The following IL1RL2 variants were observed in gnomAD, a reference collection of about 807,000 sequenced individuals.
The protein encoded by IL1RL2 is interleukin-1 receptor-like 2.
Under a neutral mutation model 66.8 loss-of-function variants are expected in IL1RL2, and 68 were observed. The ratio of observed to expected loss-of-function variants is 1.02; its 90% CI spans 0.84 to 1.25. The LOEUF (loss-of-function observed/expected upper bound fraction) is 1.25. Ranked by LOEUF, IL1RL2 falls within the 50% of genes most tolerant of loss-of-function variation. IL1RL2 has a pLI of 0.00. For synonymous variants in IL1RL2, 305 were observed against 264.6 expected, an observed-to-expected ratio of 1.15 and a Z score of -1.48; for missense variants, 729 against 709.3, an observed-to-expected ratio of 1.03 and a Z score of -0.32.
chr2:102,210,991 G>T (rs571566957), intron 5 of IL1RL2, among the ~76,000 whole-genome samples: 1 of 152,148 alleles, frequency 6.6e-6, no homozygotes, highest in East Asian at 1.9e-4. Flanking sequence ...GGAGGCAAAA[G>T]TAGTTGAATT....
At position 102,189,186 on chromosome 2, in the gene IL1RL2, T is replaced by C; in HGVS notation, c.169T>C (p.Tyr57His). The change falls in exon 3 of 12, where the codon TAT becomes CAT. Residue 57 changes from tyrosine to histidine, a missense_variant. Coordinates refer to ENST00000264257, the MANE Select transcript of IL1RL2 (RefSeq NM_003854.4). ...ITSGEVSVTW[Y>H]KNSSKIPVSK... Reference sequence around the variant, plus strand: ...ATCTGGGGAAGTCAGTGTAACATGGTATAAAAATTCTAGCAAAATCCCAGT... The same window carrying C: ...ATCTGGGGAAGTCAGTGTAACATGGCATAAAAATTCTAGCAAAATCCCAGT... 2 of 1,614,046 alleles carry C rather than the reference T, an allele frequency of 1.2e-6. No individual in the cohort carries two copies. Among genetic ancestry groups the C allele is most frequent in the Non-Finnish European group, 1.7e-6 (2 of 1,179,900 alleles).
chr2:102,214,008 G>C (rs982112946), intron 6 of IL1RL2, among the ~76,000 whole-genome samples: 4 of 151,992 alleles, frequency 2.6e-5, no homozygotes, highest in African/African-American at 7.2e-5. Flanking sequence ...AATGCCTCTA[G>C]GCCCATATGT....
intron 6 of IL1RL2, among the ~76,000 whole-genome samples, chr2:102,213,994 T>G (rs1689398727): frequency 6.6e-6 from 1 of 152,164 alleles, no homozygotes; most frequent in Non-Finnish European, 1.5e-5. Flanking sequence ...ATAAAATCTG[T>G]TTAAATGCCT....
At chr2:102,195,630 T>C (rs1687674238) in intron 4 of IL1RL2, among the ~76,000 whole-genome samples, 1 of 17,552 alleles carries the variant, frequency 5.7e-5, no homozygotes, top group African/African-American at 1.5e-4. Context: ...TCTTTCTTTC[T>C]CTCTCTCTCT....
chr2:102,210,497 T>C (rs1689077316), intron 5 of IL1RL2, among the ~76,000 whole-genome samples: 1 of 152,166 alleles, frequency 6.6e-6, no homozygotes, highest in African/African-American at 2.4e-5. Context: ...GGATCAGAAG[T>C]GCAGGTACAG....
chr2:102,187,153 G>T (rs1288124413), intron 1 of IL1RL2, 67 bp downstream of exon 1: 6 of 1,271,648 alleles, frequency 4.7e-6, no homozygotes, highest in Non-Finnish European at 6.2e-6. Context: ...GGAGAGGTGT[G>T]CAGGAAAAGA....
chr2:102,235,489 A>C, intron 11 of IL1RL2: 1 of 985,450 alleles, frequency 1.0e-6, no homozygotes, highest in South Asian at 4.7e-5. Flanking sequence ...CTTCTGCAGA[A>C]GGCCCTCTTT....
At chr2:102,216,008 A>G (rs930193102) in intron 6 of IL1RL2, among the ~76,000 whole-genome samples, 1 of 152,232 alleles carries the variant, frequency 6.6e-6, no homozygotes, top group South Asian at 2.1e-4. Flanking sequence ...ACCTCAAAGG[A>G]GCACAATAAT....
intron 2 of IL1RL2, 45 bp from the exon 3 acceptor site, chr2:102,189,031 T>C: frequency 6.9e-7 from 1 of 1,458,644 alleles, no homozygotes; most frequent in Non-Finnish European, 9.4e-7. Context: ...AAAACTGAAG[T>C]TTTCTTTCAT....
At chr2:102,233,945 T>C (rs959928600) in intron 10 of IL1RL2, among the ~76,000 whole-genome samples, 1 of 152,182 alleles carries the variant, frequency 6.6e-6, no homozygotes, top group African/African-American at 2.4e-5. Flanking sequence ...ATGGACAGTA[T>C]TCTAGGCACT....
chr2:102,207,759 T>C (rs1383401981), intron 5 of IL1RL2, among the ~76,000 whole-genome samples: 1 of 152,202 alleles, frequency 6.6e-6, no homozygotes, highest in Non-Finnish European at 1.5e-5. Context: ...TACTGAGGTA[T>C]ATTGCATGTC....
chr2:102,214,575 G>T (rs940969286), intron 6 of IL1RL2, among the ~76,000 whole-genome samples: 3 of 152,076 alleles, frequency 2.0e-5, no homozygotes, highest in African/African-American at 7.2e-5. Context: ...AATTTCAAAA[G>T]ATGTTCCTAA....
intron 1 of IL1RL2, 51 bp downstream of exon 1, chr2:102,187,137 A>G: frequency 3.9e-6 from 5 of 1,281,080 alleles, no homozygotes; most frequent in Non-Finnish European, 5.1e-6. Flanking sequence ...TGGGGCCCTG[A>G]CAGTAGGAGA....
chr2:102,215,366 A>C (rs1356310498), intron 6 of IL1RL2, among the ~76,000 whole-genome samples: 1 of 152,054 alleles, frequency 6.6e-6, no homozygotes. Context: ...TCATTTCACC[A>C]TGTTCATACA....
At chr2:102,221,557 TC>T (rs1175517794) in intron 8 of IL1RL2, among the ~76,000 whole-genome samples, 74 of 152,288 alleles carry the variant, frequency 4.9e-4, no homozygotes, top group African/African-American at 1.7e-3. Flanking sequence ...TTTTATGCCT[TC>T]CCTTATCCTC....
chr2:102,233,165 G>A (rs751695588), intron 10 of IL1RL2, 41 bp downstream of exon 10: 7 of 1,564,430 alleles, frequency 4.5e-6, no homozygotes, highest in African/African-American at 4.1e-5. Flanking sequence ...AATAAAAGAA[G>A]GAAAGCGACC....
intron 6 of IL1RL2, among the ~76,000 whole-genome samples, chr2:102,217,514 C>G (rs549800551): frequency 6.6e-6 from 1 of 152,100 alleles, no homozygotes; most frequent in African/African-American, 2.4e-5. Context: ...AGGTATCACA[C>G]TACCTGACTT....
chr2:102,220,003 T>A lies in IL1RL2; in HGVS notation c.977T>A (p.Ile326Lys), dbSNP rs140532168. 1 of 1,611,848 alleles carries A rather than the reference T, an allele frequency of 6.2e-7. No individual in the cohort carries two copies. The highest frequency in any genetic ancestry group is 1.1e-5 in the South Asian group (1 of 90,966). Reference protein sequence around the residue: ...CHAGVSTAYIILQLPAPDFRA... With the variant: ...CHAGVSTAYIKLQLPAPDFRA... The stretch of plus-strand genomic sequence containing the variant: ...GCTGGAGTGTCCACAGCATACATTA[T>A]ATTACAGCTCCCAGGTAATACTCCA... Residue 326 changes from isoleucine to lysine, a missense_variant, in exon 8 of 12, where the codon ATA becomes AAA. Transcript: ENST00000264257.
chr2:102,238,036 A>G (rs755958318), intron 11 of IL1RL2, among the ~76,000 whole-genome samples: 4 of 152,158 alleles, frequency 2.6e-5, no homozygotes, highest in African/African-American at 4.8e-5. Context: ...TTTATAATTT[A>G]ATGATTCACA....
Sources: allele counts gnomAD v4.1 joint callset (sites outside exome capture counted in the v4.1 genomes callset), GRCh38; gene constraint gnomAD v4.1.1; transcripts MANE v1.5; gene names NCBI Gene and HGNC (gene_info 2026-07-23, HGNC 2026-07-21).